Variants in SLIT3 observed in about 807,000 individuals in gnomAD.
SLIT3 encodes the protein slit homolog 3 protein.
In SLIT3, 68 loss-of-function variants were observed where a neutral mutation model predicts 184.0. The ratio of observed to expected loss-of-function variants is 0.37; its 90% CI spans 0.30 to 0.45. The LOEUF is 0.45. Among genes scored for constraint, SLIT3 ranks in the 20% least tolerant of loss-of-function variants. SLIT3 has a pLI of 1.00. For missense variants in SLIT3, 1,707 were observed against 2,026.0 expected (o/e 0.84, Z 3.02); for synonymous variants, 831 against 828.6 (o/e 1.00, Z -0.05).
At chr5:168,844,820 CTCTCTGA>C in intron 5 of SLIT3, 165 bp from the exon 6 acceptor site, 1 of 611,896 alleles carries the variant, frequency 1.6e-6, no homozygotes, top group South Asian at 1.9e-5. Context: ...TCCGTCTCTC[CTCTCTGA>C]CTGTCTGAGA....
intron 4 of SLIT3, among the ~76,000 whole-genome samples, chr5:169,126,766 G>T (rs1301273525): frequency 2.0e-5 from 3 of 152,346 alleles, no homozygotes; most frequent in African/African-American, 7.2e-5. Context: ...GCCCTGCTGA[G>T]TCAGAGCCCA....
intron 4 of SLIT3, among the ~76,000 whole-genome samples, chr5:169,036,804 T>C (rs367559506): frequency 5.3e-5 from 8 of 152,196 alleles, no homozygotes; most frequent in Non-Finnish European, 8.8e-5. Flanking sequence ...ATGCAGCTTA[T>C]TGACGTTCAG....
intron 20 of SLIT3, among the ~76,000 whole-genome samples, chr5:168,743,242 C>T (rs991415648): frequency 2.3e-4 from 35 of 152,038 alleles, no homozygotes; most frequent in East Asian, 7.7e-4. Context: ...GTAGATATTG[C>T]GTTTTTTAAA....
chr5:168,893,211 C>G (rs909135575), intron 4 of SLIT3, among the ~76,000 whole-genome samples: 1 of 152,178 alleles, frequency 6.6e-6, no homozygotes, highest in Non-Finnish European at 1.5e-5. Flanking sequence ...TGGGTGTGGA[C>G]AGGGAGCTTG....
At chr5:168,712,390 C>T in intron 23 of SLIT3, 36 bp from the exon 24 acceptor site, 1 of 1,594,556 alleles carries the variant, frequency 6.3e-7, no homozygotes, top group Non-Finnish European at 8.6e-7. Context: ...GGTTAGCATC[C>T]ACTAATTTGA....
chr5:168,837,077 G>T (rs912004058), intron 6 of SLIT3, among the ~76,000 whole-genome samples: 1 of 152,290 alleles, frequency 6.6e-6, no homozygotes, highest in African/African-American at 2.4e-5. Context: ...CTAAGAAGGA[G>T]GTGTGTGTTG....
intron 8 of SLIT3, among the ~76,000 whole-genome samples, chr5:168,808,402 CATT>C (rs1425323166): frequency 6.6e-6 from 1 of 152,086 alleles, no homozygotes; most frequent in Admixed American, 6.6e-5. Context: ...ATCATTTCAT[CATT>C]ATTTCCCTGT....
intron 1 of SLIT3, among the ~76,000 whole-genome samples, chr5:169,255,470 AG>A (rs1164348440): frequency 1.3e-5 from 2 of 152,240 alleles, no homozygotes; most frequent in Non-Finnish European, 2.9e-5. Flanking sequence ...AAGTTTAAAA[AG>A]TAAAAAAAGT....
At chr5:168,719,036 T>C (rs1762852774) in intron 23 of SLIT3, among the ~76,000 whole-genome samples, 1 of 152,252 alleles carries the variant, frequency 6.6e-6, no homozygotes, top group Non-Finnish European at 1.5e-5. Flanking sequence ...GTTACCATCT[T>C]CATTCATCTT....
chr5:168,710,970 C>T lies in SLIT3; in HGVS notation c.2644G>A (p.Ala882Thr), dbSNP rs753778958. 1.5e-5 allele frequency: 24 copies of T among 1,565,786 alleles called. No individual in the cohort carries two copies. Among genetic ancestry groups the T allele is most frequent in the Middle Eastern group, 1.7e-4 (1 of 5,996 alleles). The change falls in exon 25 of 36, where the codon GCC becomes ACC. Residue 882 changes from alanine to threonine, a missense_variant. Ala to Thr is a moderately conservative substitution (Grantham distance 58, BLOSUM62 0). Coordinates refer to ENST00000519560, the MANE Select transcript of SLIT3 (RefSeq NM_003062.4). ...ATGGGCTCAGGGCTACTGCAGCGGG[C>T]GATGCCAGGCTCCTTGTACCCCGCC... Reference protein sequence around the residue: ...VKAGYKEPGIARCSSPEPMAD... With the variant: ...VKAGYKEPGITRCSSPEPMAD...
intron 4 of SLIT3, among the ~76,000 whole-genome samples, chr5:169,089,208 C>T (rs1343095185): frequency 6.6e-6 from 1 of 152,028 alleles, no homozygotes; most frequent in Non-Finnish European, 1.5e-5. Flanking sequence ...GAGGCAGAAC[C>T]TGCTTCATCC....
chr5:168,773,329 A>T (rs1581065844), intron 13 of SLIT3, among the ~76,000 whole-genome samples: 1 of 152,180 alleles, frequency 6.6e-6, no homozygotes, highest in East Asian at 1.9e-4. Flanking sequence ...AGGCACATAA[A>T]GCAGCTGGCA....
At chr5:169,275,256 T>A (rs1462824048) in intron 1 of SLIT3, among the ~76,000 whole-genome samples, 1 of 152,158 alleles carries the variant, frequency 6.6e-6, no homozygotes, top group Non-Finnish European at 1.5e-5. Flanking sequence ...ATTTTACAGA[T>A]GAGGTAACTA....
At chr5:168,939,536 G>GA (rs930128864) in intron 4 of SLIT3, among the ~76,000 whole-genome samples, 14 of 152,328 alleles carry the variant, frequency 9.2e-5, no homozygotes, top group African/African-American at 2.9e-4. Flanking sequence ...CAAGTTTCTA[G>GA]AAAAACCAAG....
At chr5:168,760,626 A>G (rs1755112459) in intron 16 of SLIT3, among the ~76,000 whole-genome samples, 1 of 152,072 alleles carries the variant, frequency 6.6e-6, no homozygotes, top group African/African-American at 2.4e-5. Flanking sequence ...GGGAGGGGTC[A>G]GGGATGGTGT....
chr5:168,678,993 C>T (rs577445315), intron 32 of SLIT3, among the ~76,000 whole-genome samples: 3 of 152,266 alleles, frequency 2.0e-5, no homozygotes, highest in South Asian at 2.1e-4. Context: ...TGGGGCTGGA[C>T]GCATCCTGCC....
chr5:169,295,686 T>C (rs1342034383), intron 1 of SLIT3, among the ~76,000 whole-genome samples: 1 of 152,104 alleles, frequency 6.6e-6, no homozygotes, highest in African/African-American at 2.4e-5. Context: ...AGGCAAGAGG[T>C]TCTACAGCTG....
intron 16 of SLIT3, among the ~76,000 whole-genome samples, chr5:168,756,893 GC>G (rs1230158158): frequency 6.6e-6 from 1 of 152,130 alleles, no homozygotes; most frequent in African/African-American, 2.4e-5. Context: ...CTTTAAATGA[GC>G]AAAATTAACA....
At chr5:169,196,262 C>T (rs1391408268) in intron 3 of SLIT3, among the ~76,000 whole-genome samples, 3 of 152,048 alleles carry the variant, frequency 2.0e-5, no homozygotes, top group Non-Finnish European at 2.9e-5. Flanking sequence ...AGGTGGAAGC[C>T]GTTGGAACTG....
Sources: gnomAD v4.1 joint callset for allele counts (sites outside exome capture counted in the v4.1 genomes callset) on GRCh38, gnomAD v4.1.1 for gene constraint, MANE v1.5 for transcripts, NCBI Gene and HGNC (gene_info 2026-07-23, HGNC 2026-07-21) for gene names.